PRDM5: variants seen among roughly 807,000 people sequenced by gnomAD.
The protein encoded by PRDM5 is PR domain zinc finger protein 5.
A neutral mutation model predicts 81.2 loss-of-function variants in PRDM5; 56 were observed. That is an observed-to-expected ratio of 0.69 (90% CI 0.56 to 0.86). The LOEUF (loss-of-function observed/expected upper bound fraction) is 0.86. PRDM5 is among the 40% of genes least tolerant of loss of function. The pLI, the probability that PRDM5 is intolerant of heterozygous loss-of-function variation, is 0.00. For missense variants in PRDM5, 697 were observed against 770.1 expected, an observed-to-expected ratio of 0.91 and a Z score of 1.12; for synonymous variants, 267 against 256.4, an observed-to-expected ratio of 1.04 and a Z score of -0.39.
At chr4:120,751,034 G>A (rs557578812) in intron 14 of PRDM5, among the ~76,000 whole-genome samples, 110 of 152,100 alleles carry the variant, frequency 7.2e-4, no homozygotes, top group African/African-American at 2.6e-3. Flanking sequence ...TATGGCCCAA[G>A]TGTAATAGTA....
intron 14 of PRDM5, among the ~76,000 whole-genome samples, chr4:120,715,028 T>A (rs1391265977): frequency 1.3e-5 from 2 of 152,178 alleles, no homozygotes; most frequent in Non-Finnish European, 2.9e-5. Context: ...GTCCCCAATT[T>A]TATTTTGAGC....
chr4:120,860,005 G>A (rs2148493955), intron 2 of PRDM5, among the ~76,000 whole-genome samples: 1 of 152,308 alleles, frequency 6.6e-6, no homozygotes, highest in East Asian at 1.9e-4. Context: ...TTCTATTGAA[G>A]CAGCTTAAAA....
At chr4:120,765,026 C>T (rs1003746839) in intron 13 of PRDM5, among the ~76,000 whole-genome samples, 1 of 151,738 alleles carries the variant, frequency 6.6e-6, no homozygotes, top group African/African-American at 2.4e-5. Context: ...TATTATTGCT[C>T]TATAATTACT....
chr4:120,755,932 A>G (rs921482561), intron 13 of PRDM5, among the ~76,000 whole-genome samples: 3 of 152,206 alleles, frequency 2.0e-5, no homozygotes, highest in Non-Finnish European at 2.9e-5. Flanking sequence ...AAATGGTGAC[A>G]AACACCCAAA....
At chr4:120,922,490 G>C in intron 1 of PRDM5, 26 bp downstream of exon 1, 1 of 1,578,634 alleles carries the variant, frequency 6.3e-7, no homozygotes, top group East Asian at 2.4e-5. Flanking sequence ...GTGCAGGGGC[G>C]CGCAGGCCGC....
intron 1 of PRDM5, 73 bp from the exon 2 acceptor site, chr4:120,907,630 T>G: frequency 8.3e-7 from 1 of 1,201,190 alleles, no homozygotes; most frequent in Non-Finnish European, 1.2e-6. Flanking sequence ...GACTTTTTTC[T>G]TCTGGAATGT....
intron 14 of PRDM5, chr4:120,731,573 G>A (rs1468532773): frequency 2.6e-5 from 4 of 152,110 alleles, no homozygotes; most frequent in Non-Finnish European, 5.9e-5. Context: ...TCTATTTAGT[G>A]TGGCAACAAG....
chr4:120,735,926 G>T (rs1464701708), intron 14 of PRDM5, among the ~76,000 whole-genome samples: 1 of 152,072 alleles, frequency 6.6e-6, no homozygotes, highest in Non-Finnish European at 1.5e-5. Flanking sequence ...TTAAGTCAGG[G>T]CTTTTAGGTT....
At chr4:120,714,327 T>G (rs1371578813) in intron 14 of PRDM5, among the ~76,000 whole-genome samples, 1 of 152,178 alleles carries the variant, frequency 6.6e-6, no homozygotes, top group Non-Finnish European at 1.5e-5. Context: ...TCATATTTCT[T>G]AATATCTCTT....
intron 14 of PRDM5, among the ~76,000 whole-genome samples, chr4:120,752,011 T>C (rs1279309659): frequency 6.6e-6 from 1 of 152,228 alleles, no homozygotes; most frequent in Non-Finnish European, 1.5e-5. Context: ...GTAATGTGAA[T>C]GCAAAATTGA....
chr4:120,815,066 G>A (rs943039434), intron 7 of PRDM5, among the ~76,000 whole-genome samples: 2 of 152,198 alleles, frequency 1.3e-5, no homozygotes, highest in African/African-American at 4.8e-5. Flanking sequence ...AGTCTCCAGA[G>A]TTTCGTATGC....
At chr4:120,771,163 T>C (rs1356914685) in intron 13 of PRDM5, among the ~76,000 whole-genome samples, 2 of 152,144 alleles carry the variant, frequency 1.3e-5, no homozygotes, top group African/African-American at 2.4e-5. Flanking sequence ...TTTGCCATTA[T>C]AAACAGTTTT....
intron 5 of PRDM5, 42 bp from the exon 6 acceptor site, chr4:120,816,966 A>C: frequency 6.8e-7 from 1 of 1,470,782 alleles, no homozygotes; most frequent in Non-Finnish European, 9.5e-7. Context: ...GAAAACAAAA[A>C]CTGGAACTCT....
intron 2 of PRDM5, among the ~76,000 whole-genome samples, chr4:120,861,266 C>A (rs1033857338): frequency 7.9e-5 from 12 of 152,180 alleles, no homozygotes; most frequent in African/African-American, 2.9e-4. Context: ...CCTCAGCCTT[C>A]CAAAGTGCTG....
rs1481933717 is a variant in PRDM5, at chr4:120,749,743, G to A, written c.1623+4810C>T. On this transcript the variant is annotated intron_variant, in intron 14 of 15. Coordinates refer to ENST00000264808, the MANE Select transcript of PRDM5 (RefSeq NM_018699.4). ...GGTGTTCTGTTCCAGGCAATGACCC[G>A]TGGCCTCTGGAGAGAGACAGAACCT... 3.9e-5 allele frequency among the ~76,000 whole-genome samples: 6 copies of A among 152,206 alleles called. No individual in the cohort carries two copies. In the East Asian group the frequency reaches 5.8e-4, roughly 15 times the overall value.
intron 14 of PRDM5, among the ~76,000 whole-genome samples, chr4:120,726,356 G>C (rs571662208): frequency 6.6e-6 from 1 of 152,102 alleles, no homozygotes; most frequent in Admixed American, 6.5e-5. Context: ...ATGGACTCAC[G>C]GATCTCAGTG....
At chr4:120,721,959 G>C (rs1055893499) in intron 14 of PRDM5, among the ~76,000 whole-genome samples, 3 of 152,338 alleles carry the variant, frequency 2.0e-5, no homozygotes, top group Admixed American at 2.0e-4. Context: ...GAGAAAGAGA[G>C]AGACAGAGTT....
chr4:120,868,878 T>C (rs343212), intron 2 of PRDM5, among the ~76,000 whole-genome samples: 68,026 of 151,918 alleles, frequency 0.45, 15,429 homozygotes, highest in Non-Finnish European at 0.48. Context: ...GTCTCTTCCA[T>C]ACTTATGAAT....
At chr4:120,868,720 G>A (rs537117961) in intron 2 of PRDM5, among the ~76,000 whole-genome samples, 8 of 152,224 alleles carry the variant, frequency 5.3e-5, no homozygotes, top group Admixed American at 1.3e-4. Flanking sequence ...TGGATAGTAG[G>A]TAACACAAAG....
Sources: allele counts gnomAD v4.1 joint callset (sites outside exome capture counted in the v4.1 genomes callset), GRCh38; gene constraint gnomAD v4.1.1; transcripts MANE v1.5; gene names NCBI Gene and HGNC (gene_info 2026-07-23, HGNC 2026-07-21).